DLGAP1: variants seen among roughly 807,000 people sequenced by gnomAD.
DLGAP1 encodes disks large-associated protein 1.
A neutral mutation model predicts 90.8 loss-of-function variants in DLGAP1; 11 were observed. The ratio of observed to expected loss-of-function variants is 0.12; its 90% CI spans 0.08 to 0.20. The LOEUF (loss-of-function observed/expected upper bound fraction) is 0.20, where lower values mean the gene tolerates loss of function less well. Among genes scored for constraint, DLGAP1 ranks in the 10% least tolerant of loss-of-function variants. The pLI is 1.00. For synonymous variants in DLGAP1, 558 were observed against 540.7 expected (o/e 1.03, Z -0.44); for missense variants, 1,050 against 1,333.8 (o/e 0.79, Z 3.31).
At chr18:4,103,278 A>T (rs932312658) in intron 2 of DLGAP1, among the ~76,000 whole-genome samples, 1 of 152,196 alleles carries the variant, frequency 6.6e-6, no homozygotes, top group African/African-American at 2.4e-5. Context: ...AGGAACTGGT[A>T]TCTTGTTCAG....
intron 9 of DLGAP1, among the ~76,000 whole-genome samples, chr18:3,547,193 C>T (rs573310348): frequency 1.4e-5 from 2 of 147,642 alleles, no homozygotes; most frequent in South Asian, 2.2e-4. Context: ...CCCAGCTACT[C>T]GGGAGGCTGA....
chr18:3,596,969 C>T (rs755318365), intron 7 of DLGAP1: 2 of 520,070 alleles, frequency 3.8e-6, no homozygotes, highest in Non-Finnish European at 7.7e-6. Flanking sequence ...CCCGATGTCC[C>T]CCATTCTCCC....
At chr18:3,647,075 C>T (rs1356969760) in intron 7 of DLGAP1, among the ~76,000 whole-genome samples, 1 of 151,918 alleles carries the variant, frequency 6.6e-6, no homozygotes, top group African/African-American at 2.4e-5. Context: ...ACGGTGAAAC[C>T]CTGTTTCTAC....
rs1196427215 is a variant in DLGAP1 at position 3,729,035 on chromosome 18, C to T, written c.1591+100G>A. On this transcript the variant is annotated intron_variant, in intron 7 of 12. Transcript: ENST00000315677. The surrounding 1 kb of genome is among the most constrained non-coding windows in gnomAD (Gnocchi z 6.2). Reference sequence around the variant, plus strand: ...TGTAGGACATGGGTGGTATCTTGTTCCTGGCAACTATGTGTGTTGACAGCA... The same window carrying T: ...TGTAGGACATGGGTGGTATCTTGTTTCTGGCAACTATGTGTGTTGACAGCA... 10 of 1,478,994 alleles carry T rather than the reference C, an allele frequency of 6.8e-6. No individual in the cohort carries two copies. Among genetic ancestry groups the T allele is most frequent in the Non-Finnish European group, 9.0e-6 (10 of 1,111,788 alleles). 91.6% of individuals were successfully genotyped at this position (1,478,994 alleles called of 1,614,324 possible).
At position 4,269,298 on chromosome 18, in the gene DLGAP1, A is replaced by G. The variant is rs866156045; in HGVS notation, c.-266-118011T>C. 3.1e-4 allele frequency among the ~76,000 whole-genome samples: 46 copies of G among 148,460 alleles called. 1 individual carries two copies. The highest frequency in any genetic ancestry group is 1.1e-3 in the African/African-American group (45 of 40,918). ...CTCTTTGGAAAACTATCACAATACC[A>G]TTCATATTCTAATATTCATATTATT... is the stretch of plus-strand genomic sequence containing the variant. On this transcript the variant is annotated intron_variant, in intron 1 of 12. Coordinates refer to ENST00000315677, the MANE Select transcript of DLGAP1 (RefSeq NM_004746.4).
intron 10 of DLGAP1, among the ~76,000 whole-genome samples, chr18:3,514,544 C>G (rs2050720871): frequency 6.6e-6 from 1 of 152,088 alleles, no homozygotes; most frequent in Non-Finnish European, 1.5e-5. Context: ...TCATTTTAGT[C>G]TAACTTTCTC....
intron 4 of DLGAP1, among the ~76,000 whole-genome samples, chr18:3,827,103 C>T (rs1006460696): frequency 5.9e-5 from 9 of 152,082 alleles, no homozygotes; most frequent in African/African-American, 2.2e-4. Context: ...GTTTGAAATG[C>T]CCATGGGTCA....
intron 2 of DLGAP1, among the ~76,000 whole-genome samples, chr18:4,041,647 T>G (rs554163563): frequency 6.6e-6 from 1 of 152,278 alleles, no homozygotes; most frequent in Non-Finnish European, 1.5e-5. Context: ...CATACAACTT[T>G]CCTTATCCCA....
intron 7 of DLGAP1, among the ~76,000 whole-genome samples, chr18:3,585,461 C>G (rs1319678009): frequency 6.6e-6 from 1 of 152,238 alleles, no homozygotes; most frequent in Admixed American, 6.5e-5. Flanking sequence ...CATTGTACCA[C>G]TTCTCCTAAG....
intron 1 of DLGAP1, among the ~76,000 whole-genome samples, chr18:4,406,689 G>A (rs1371885362): frequency 6.6e-6 from 1 of 152,134 alleles, no homozygotes; most frequent in Non-Finnish European, 1.5e-5. Flanking sequence ...GTAGGATATT[G>A]GGAGTGGTTG....
chr18:4,322,844 CCA>C (rs1209657472), intron 1 of DLGAP1, among the ~76,000 whole-genome samples: 4 of 150,764 alleles, frequency 2.7e-5, no homozygotes, highest in African/African-American at 9.8e-5. Flanking sequence ...GCCTGTAGTC[CCA>C]GTTACTCAGG....
At chr18:4,231,617 T>C (rs1001219451) in intron 1 of DLGAP1, among the ~76,000 whole-genome samples, 8 of 152,028 alleles carry the variant, frequency 5.3e-5, no homozygotes, top group African/African-American at 1.9e-4. Context: ...TTTTCAGTTC[T>C]ATTTTTTTTT....
At chr18:4,218,753 T>C (rs2078011748) in intron 1 of DLGAP1, among the ~76,000 whole-genome samples, 1 of 151,846 alleles carries the variant, frequency 6.6e-6, no homozygotes, top group Non-Finnish European at 1.5e-5. Context: ...CTTAGCATAA[T>C]ATCCTCCAGG....
intron 1 of DLGAP1, among the ~76,000 whole-genome samples, chr18:4,415,654 G>A (rs1024690226): frequency 6.6e-6 from 1 of 152,094 alleles, no homozygotes; most frequent in Non-Finnish European, 1.5e-5. Flanking sequence ...TATAGGTTTT[G>A]CACTTCAGCT....
intron 1 of DLGAP1, among the ~76,000 whole-genome samples, chr18:4,169,183 T>C (rs1038483682): frequency 6.6e-6 from 1 of 152,222 alleles, no homozygotes; most frequent in Non-Finnish European, 1.5e-5. Context: ...GCACAAGACT[T>C]TGAATTTTCC....
chr18:4,269,158 G>C (rs1388259072), intron 1 of DLGAP1, among the ~76,000 whole-genome samples: 1 of 151,428 alleles, frequency 6.6e-6, no homozygotes, highest in Non-Finnish European at 1.5e-5. Flanking sequence ...CTCCCATATT[G>C]CAGTAAGATA....
At chr18:3,911,671 G>A (rs1012445845) in intron 3 of DLGAP1, among the ~76,000 whole-genome samples, 3 of 152,204 alleles carry the variant, frequency 2.0e-5, no homozygotes, top group Admixed American at 6.5e-5. Context: ...ATCCAAGTCA[G>A]TTTTCTAATG....
chr18:4,380,722 T>C (rs1247998051), intron 1 of DLGAP1, among the ~76,000 whole-genome samples: 1 of 152,204 alleles, frequency 6.6e-6, no homozygotes, highest in East Asian at 1.9e-4. Context: ...TTTCCCAGAA[T>C]CTTAACTCTC....
At chr18:3,532,452 G>A (rs1240997756) in intron 10 of DLGAP1, among the ~76,000 whole-genome samples, 1 of 151,980 alleles carries the variant, frequency 6.6e-6, no homozygotes, top group Non-Finnish European at 1.5e-5. Flanking sequence ...GGTGGCACAT[G>A]CCTGTAATCC....
Sources: allele counts gnomAD v4.1 joint callset (sites outside exome capture counted in the v4.1 genomes callset), GRCh38; gene constraint gnomAD v4.1.1; non-coding constraint Gnocchi (gnomAD v3.1); transcripts MANE v1.5; gene names NCBI Gene and HGNC (gene_info 2026-07-23, HGNC 2026-07-21).